The following CD163L1 variants were observed in gnomAD, a reference collection of about 807,000 sequenced individuals.
The protein encoded by CD163L1 is scavenger receptor cysteine-rich type 1 protein M160.
A neutral mutation model predicts 165.4 loss-of-function variants in CD163L1; 124 were observed. The observed-to-expected ratio is 0.75, with a 90% CI of 0.65 to 0.87. The LOEUF is 0.87. Among genes scored for constraint, CD163L1 ranks in the 40% least tolerant of loss-of-function variants. CD163L1 has a pLI of 0.00. For missense variants in CD163L1, 1,525 were observed against 1,799.9 expected (o/e 0.85, Z 2.76); for synonymous variants, 585 against 662.2 (o/e 0.88, Z 1.79).
At position 7,375,320 on chromosome 12, in the gene CD163L1, G is replaced by A. The variant is rs766319297; in HGVS notation, c.2962C>T (p.Pro988Ser). ...NCQMTVLGAP[P>S]CIHGNTVSVI... Reference sequence around the variant, plus strand: ...GAGACAGTATTTCCATGGATACAGGGAGGTGCTCCAAGAACTGTCATTTGA... The same window carrying A: ...GAGACAGTATTTCCATGGATACAGGAAGGTGCTCCAAGAACTGTCATTTGA... The change falls in exon 11 of 20, where the codon CCC becomes TCC. Residue 988 changes from proline (P) to serine (S), a missense_variant. By Grantham distance (74) the Pro-to-Ser change is moderately conservative. Coordinates refer to ENST00000313599, the MANE Select transcript of CD163L1 (RefSeq NM_174941.6). 2.5e-6 allele frequency: 4 copies of A among 1,614,092 alleles called. No individual in the cohort carries two copies. In the East Asian group the frequency reaches 8.9e-5, roughly 36 times the overall value.
At chr12:7,337,022 C>T in the CD163L1 span, among the ~76,000 whole-genome samples, 1 of 152,088 alleles carries the variant, frequency 6.6e-6, no homozygotes, top group African/African-American at 2.4e-5. Context: ...CACCACACAT[C>T]GAGAACCATC....
chr12:7,418,442 A>G (rs1188606640), intron 4 of CD163L1, among the ~76,000 whole-genome samples: 1 of 152,050 alleles, frequency 6.6e-6, no homozygotes, highest in African/African-American at 2.4e-5. Flanking sequence ...CTGAAAGAGT[A>G]TAAATAGACA....
chr12:7,422,111 C>G lies in CD163L1; in HGVS notation c.766+10305G>C, dbSNP rs116014572. On this transcript the variant is annotated intron_variant, in intron 4 of 19. Transcript: ENST00000313599. ...AGGAAAGAGCAGGCAGCAATATTTGCCGTTCTGCACACTCCGCTGGTGATA... is the reference window on the plus strand; with the variant it reads ...AGGAAAGAGCAGGCAGCAATATTTGGCGTTCTGCACACTCCGCTGGTGATA... Among the ~76,000 whole-genome samples the G allele has an allele frequency of 7.5e-3, 1,138 of 152,214 alleles. 17 individuals are homozygous for G. The highest frequency in any genetic ancestry group is 0.026 in the African/African-American group (1,061 of 41,538).
chr12:7,367,153 C>T lies in CD163L1; in HGVS notation c.4279+83G>A, dbSNP rs1439543784. On this transcript the variant is annotated intron_variant, in intron 18 of 19. Coordinates refer to ENST00000313599, the MANE Select transcript of CD163L1 (RefSeq NM_174941.6). ...ATAAGAGGCTGAGACACATCTCCAT[C>T]GAGTGGGAGTTCCTAAATATCAGCG... 9 of 725,840 alleles carry T rather than the reference C, an allele frequency of 1.2e-5. 1 individual carries two copies. The highest frequency in any genetic ancestry group is 8.5e-5 in the South Asian group (4 of 46,808). 45.0% of individuals were successfully genotyped at this position (725,840 alleles called of 1,614,324 possible).
At chr12:7,435,867 T>A (rs1262773943) in intron 2 of CD163L1, among the ~76,000 whole-genome samples, 1 of 152,050 alleles carries the variant, frequency 6.6e-6, no homozygotes, top group Non-Finnish European at 1.5e-5. Flanking sequence ...TAACGAAAAC[T>A]TAAATAATTA....
At chr12:7,334,569 G>C in the CD163L1 span, among the ~76,000 whole-genome samples, 92 of 152,278 alleles carry the variant, frequency 6.0e-4, no homozygotes, top group South Asian at 1.2e-3. Context: ...CATTCCCTTT[G>C]AAAACTGGCA....
chr12:7,331,080 C>G, the CD163L1 span, among the ~76,000 whole-genome samples: 337 of 152,350 alleles, frequency 2.2e-3, 2 homozygotes, highest in African/African-American at 7.6e-3. Flanking sequence ...TTGGGTCACT[C>G]CCACCATAAT....
intron 4 of CD163L1, among the ~76,000 whole-genome samples, chr12:7,431,102 T>G (rs779176174): frequency 6.6e-6 from 1 of 152,118 alleles, no homozygotes; most frequent in East Asian, 1.9e-4. Flanking sequence ...TGGTTTATAC[T>G]GATAGTAATG....
At chr12:7,339,377 C>T in the CD163L1 span, among the ~76,000 whole-genome samples, 1 of 152,082 alleles carries the variant, frequency 6.6e-6, no homozygotes, top group Non-Finnish European at 1.5e-5. Context: ...GTCTCTGATG[C>T]AGTATGCTTT....
In CD163L1 at chr12:7,389,960, TTA is replaced by T. The variant is rs59235889; in HGVS notation, c.2050+6133_2050+6134del. On this transcript the variant is annotated intron_variant, in intron 8 of 19. Coordinates refer to ENST00000313599, the MANE Select transcript of CD163L1 (RefSeq NM_174941.6). ...AATTAAACATTTTATATATATATATTTATATATATATATATATATATATGCAC... is the reference window on the plus strand; with the variant it reads ...AATTAAACATTTTATATATATATATTTATATATATATATATATATATGCAC... Among the ~76,000 whole-genome samples the T allele has an allele frequency of 5.9e-3, 801 of 135,840 alleles. 5 individuals carry two copies. Among genetic ancestry groups the T allele is most frequent in the Middle Eastern group, 0.019 (5 of 266 alleles). 89.1% of individuals were successfully genotyped at this position (135,840 alleles called of 152,430 possible). A position where few individuals can be genotyped will look rare whatever the true frequency, so the allele number is the denominator to read the frequency against.
Position 7,433,500 on chromosome 12 carries a change from G to A in CD163L1, c.319C>T (p.His107Tyr). 8 of 1,614,130 alleles carry A rather than the reference G, an allele frequency of 5.0e-6. No homozygotes were observed. Among genetic ancestry groups the A allele is most frequent in the Non-Finnish European group, 6.8e-6 (8 of 1,180,016 alleles). ...MFRFGQAVTR[H>Y]GKIWLDDVSC... ...ACATCATCAAGCCAAATTTTTCCAT[G>A]TCTAGTCACGGCTTGTCCAAAACGA... is the stretch of plus-strand genomic sequence containing the variant. The change falls in exon 3 of 20, where the codon CAT becomes TAT. Residue 107 changes from histidine (H) to tyrosine (Y), a missense_variant. By Grantham distance (83) the His-to-Tyr change is moderately conservative. Transcript: ENST00000313599.
intron 4 of CD163L1, among the ~76,000 whole-genome samples, chr12:7,429,108 A>G (rs1159589051): frequency 6.6e-6 from 1 of 152,082 alleles, no homozygotes; most frequent in Non-Finnish European, 1.5e-5. Flanking sequence ...AAAGGGTATT[A>G]TCTCAAATTT....
At chr12:7,441,085 G>C (rs961343530) in intron 2 of CD163L1, 69 bp downstream of exon 2, 2 of 1,042,406 alleles carry the variant, frequency 1.9e-6, no homozygotes, top group African/African-American at 1.6e-5. Flanking sequence ...TATGCACTTA[G>C]GGTAGTGAGT....
chr12:7,388,452 A>G, intron 8 of CD163L1, among the ~76,000 whole-genome samples: 1 of 152,168 alleles, frequency 6.6e-6, no homozygotes, highest in East Asian at 1.9e-4. Flanking sequence ...CCCCATTACA[A>G]AGTGGGCAGG....
chr12:7,439,726 T>C (rs1254946752), intron 2 of CD163L1: 2 of 1,611,114 alleles, frequency 1.2e-6, no homozygotes, highest in African/African-American at 1.3e-5. Context: ...CTCCCAGGTA[T>C]CGTCATCCGA....
chr12:7,331,663 A>C, the CD163L1 span, among the ~76,000 whole-genome samples: 1 of 152,250 alleles, frequency 6.6e-6, no homozygotes, highest in Non-Finnish European at 1.5e-5. Context: ...GCTGATACCT[A>C]GGCAAACAGG....
Position 7,369,107 on chromosome 12 carries a change from A to C in CD163L1, c.4040-142T>G. ...AATACTGGATGTCATTTAAAATATC[A>C]GTCAGAATCCTCTTGCTTCAAAGTC... On this transcript the variant is annotated intron_variant, in intron 15 of 19. Coordinates refer to ENST00000313599, the MANE Select transcript of CD163L1 (RefSeq NM_174941.6). The surrounding 1 kb of genome is among the most constrained non-coding windows in gnomAD (Gnocchi z 4.9). 9.3e-7 allele frequency: 1 copy of C among 1,080,612 alleles called. No homozygotes were observed. Among genetic ancestry groups the C allele is most frequent in the Non-Finnish European group, 1.4e-6 (1 of 740,510 alleles). 66.9% of individuals were successfully genotyped at this position (1,080,612 alleles called of 1,614,324 possible). A position where few individuals can be genotyped will look rare whatever the true frequency, so the allele number is the denominator to read the frequency against.
At chr12:7,343,657 T>G (rs1284274154), downstream of CD163L1, among the ~76,000 whole-genome samples, 1 of 152,176 alleles carries the variant, frequency 6.6e-6, no homozygotes, top group Non-Finnish European at 1.5e-5. Context: ...CAGCAAGCCA[T>G]GAGGGATATA....
Position 7,375,761 on chromosome 12 carries a change from G to C in CD163L1, c.2625C>G (p.Pro875=). The change falls in exon 10 of 20, where the codon CCC becomes CCG. Residue 875 remains proline (P), a synonymous_variant. Transcript: ENST00000313599. ...EGSETHLALC[P]IVQHPEDTCI... ...AAGTGTCTTCCGGATGTTGAACAAT[G>C]GGGCATAATGCAAGGTGAGTTTCAC... The C allele has an allele frequency of 6.2e-7, 1 of 1,614,216 alleles. No homozygotes were observed. Among genetic ancestry groups the C allele is most frequent in the Non-Finnish European group, 8.5e-7 (1 of 1,180,034 alleles).
Sources: gnomAD v4.1 joint callset for allele counts (sites outside exome capture counted in the v4.1 genomes callset) on GRCh38, gnomAD v4.1.1 for gene constraint, Gnocchi (gnomAD v3.1) non-coding constraint, MANE v1.5 for transcripts, NCBI Gene and HGNC (gene_info 2026-07-23, HGNC 2026-07-21) for gene names.